SGCD: variants seen among roughly 807,000 people sequenced by gnomAD.
SGCD encodes the protein delta-sarcoglycan.
In SGCD, 18 loss-of-function variants were observed where a neutral mutation model predicts 36.6. That is an observed-to-expected ratio of 0.49 (90% CI 0.34 to 0.73). SGCD has a LOEUF of 0.73. Ranked by LOEUF, SGCD falls within the 30% of genes least tolerant of loss-of-function variation. The pLI, the probability that SGCD is intolerant of heterozygous loss-of-function variation, is 0.01. For synonymous variants in SGCD, 133 were observed against 130.6 expected, an observed-to-expected ratio of 1.02 and a Z score of -0.12; for missense variants, 387 against 346.7, an observed-to-expected ratio of 1.12 and a Z score of -0.92.
the SGCD span, among the ~76,000 whole-genome samples, chr5:155,798,382 G>T: frequency 6.6e-6 from 1 of 152,240 alleles, no homozygotes; most frequent in East Asian, 1.9e-4. Flanking sequence ...TGAACAGAAA[G>T]ATTTGATAGA....
At chr5:156,273,955 T>C (rs1158632676) in intron 3 of SGCD, among the ~76,000 whole-genome samples, 1 of 152,160 alleles carries the variant, frequency 6.6e-6, no homozygotes, top group Non-Finnish European at 1.5e-5. Flanking sequence ...TTCCATACAG[T>C]CTGGGCCAAT....
the SGCD span, among the ~76,000 whole-genome samples, chr5:155,766,474 A>G: frequency 2.0e-5 from 3 of 152,118 alleles, no homozygotes; most frequent in South Asian, 2.1e-4. Flanking sequence ...TAATTCCTCA[A>G]TCAAATCCAA....
intron 1 of SGCD, among the ~76,000 whole-genome samples, chr5:155,906,766 A>G (rs1262182563): frequency 6.6e-6 from 1 of 150,644 alleles, no homozygotes; most frequent in Non-Finnish European, 1.5e-5. Context: ...TCCATGACAT[A>G]AAAGTGCAAG....
intron 3 of SGCD, among the ~76,000 whole-genome samples, chr5:156,132,862 G>C (rs1372590133): frequency 6.6e-6 from 1 of 152,154 alleles, no homozygotes; most frequent in Non-Finnish European, 1.5e-5. Context: ...TTTTGTCTCA[G>C]ATAATAAATA....
At chr5:156,015,623 A>ATG (rs1561683285) in intron 1 of SGCD, among the ~76,000 whole-genome samples, 13 of 151,802 alleles carry the variant, frequency 8.6e-5, no homozygotes, top group African/African-American at 2.9e-4. Flanking sequence ...GTGTGTGTAT[A>ATG]TATATGTATA....
intron 3 of SGCD, among the ~76,000 whole-genome samples, chr5:156,450,136 T>C (rs2127805248): frequency 6.6e-6 from 1 of 152,226 alleles, no homozygotes; most frequent in African/African-American, 2.4e-5. Flanking sequence ...TGCATTTCAA[T>C]ATTATTCTGT....
chr5:156,716,379 T>C (rs570526108), intron 7 of SGCD, among the ~76,000 whole-genome samples: 1 of 152,344 alleles, frequency 6.6e-6, no homozygotes, highest in South Asian at 2.1e-4. Flanking sequence ...GGATTTCCAC[T>C]GCACATTTTC....
chr5:156,262,488 G>A (rs1020728334), intron 3 of SGCD, among the ~76,000 whole-genome samples: 2 of 151,984 alleles, frequency 1.3e-5, no homozygotes, highest in East Asian at 1.9e-4. Context: ...ACCACCTAAT[G>A]ATTTAATGAT....
rs929750162 is a variant in SGCD at position 155,893,973 on chromosome 5, T to A, written c.-282+23549T>A. Among the ~76,000 whole-genome samples the A allele has an allele frequency of 2.6e-5, 4 of 152,258 alleles. No homozygotes were observed. The East Asian group carries it at 5.8e-4, about 22-fold the overall frequency. On this transcript the variant is annotated intron_variant, in intron 1 of 9. Coordinates refer to the SGCD transcript ENST00000517913. Reference sequence around the variant, plus strand: ...TTTGTATATCTAAAAATAGAAAAGGTACAATAAAAATATGGTATAAAAGAT... The same window carrying A: ...TTTGTATATCTAAAAATAGAAAAGGAACAATAAAAATATGGTATAAAAGAT...
chr5:156,594,604 C>T lies in SGCD; in HGVS notation c.383-328C>T, dbSNP rs181540483. Among the ~76,000 whole-genome samples, 365 of 152,236 alleles carry T rather than the reference C, an allele frequency of 2.4e-3. 3 individuals carry two copies. The highest frequency in any genetic ancestry group is 3.0e-3 in the Non-Finnish European group (205 of 68,006). ...TGCCTTGAGAAATGCAAGCAAAAAT[C>T]CACAACTATTTGACAGCAATTTGGT... On this transcript the variant is annotated intron_variant, in intron 5 of 8. Transcript: ENST00000337851.
chr5:156,755,881 A>G (rs1388390172), intron 7 of SGCD, among the ~76,000 whole-genome samples: 1 of 152,216 alleles, frequency 6.6e-6, no homozygotes, highest in Non-Finnish European at 1.5e-5. Context: ...GCCTGGAAGC[A>G]ATCCTCAGGA....
chr5:156,005,591 C>T (rs578241155), intron 1 of SGCD, among the ~76,000 whole-genome samples: 35 of 152,242 alleles, frequency 2.3e-4, no homozygotes, highest in Non-Finnish European at 4.6e-4. Flanking sequence ...GCTGGGACTA[C>T]AGGCGCCTGC....
At chr5:156,609,418 T>C (rs1271279626) in intron 6 of SGCD, among the ~76,000 whole-genome samples, 1 of 152,242 alleles carries the variant, frequency 6.6e-6, no homozygotes, top group East Asian at 1.9e-4. Flanking sequence ...AGATCGGCTG[T>C]TAGTCTGATG....
intron 3 of SGCD, among the ~76,000 whole-genome samples, chr5:156,411,072 TTA>T (rs1395225513): frequency 6.6e-6 from 1 of 152,246 alleles, no homozygotes; most frequent in Non-Finnish European, 1.5e-5. Flanking sequence ...CATATTGCTT[TTA>T]TATGATTTGC....
chr5:156,438,199 G>A (rs1753326415), intron 3 of SGCD, among the ~76,000 whole-genome samples: 1 of 152,172 alleles, frequency 6.6e-6, no homozygotes, highest in South Asian at 2.1e-4. Context: ...TTCAGGACAA[G>A]CTGTGAACTG....
At chr5:156,280,694 T>G (rs1429687065) in intron 3 of SGCD, among the ~76,000 whole-genome samples, 1 of 152,160 alleles carries the variant, frequency 6.6e-6, no homozygotes, top group Non-Finnish European at 1.5e-5. Flanking sequence ...GTTTTAAAAA[T>G]CAATCATAGA....
At chr5:155,850,661 G>A in the SGCD span, among the ~76,000 whole-genome samples, 6 of 152,184 alleles carry the variant, frequency 3.9e-5, no homozygotes, top group Non-Finnish European at 8.8e-5. Flanking sequence ...AACTGTAGTG[G>A]TTGGTGGGAT....
the SGCD span, among the ~76,000 whole-genome samples, chr5:155,769,983 T>G: frequency 3.3e-5 from 5 of 152,260 alleles, no homozygotes; most frequent in South Asian, 1.0e-3. Flanking sequence ...TAGGACTTGC[T>G]TCTCCATTTT....
rs909168383 is a variant in SGCD, at chr5:156,456,390, G to T, written c.193-52211G>T. On this transcript the variant is annotated intron_variant, in intron 3 of 8. Coordinates refer to ENST00000337851, the MANE Select transcript of SGCD (RefSeq NM_000337.6). ...GATGTGAATAATAAAGGTGCTTCTGGCAAGGTCTTAAACCAAAACAAGGAG... is the reference window on the plus strand; with the variant it reads ...GATGTGAATAATAAAGGTGCTTCTGTCAAGGTCTTAAACCAAAACAAGGAG... Among the ~76,000 whole-genome samples the T allele has an allele frequency of 3.9e-5, 6 of 152,152 alleles. 1 individual carries two copies. The highest frequency in any genetic ancestry group is 2.6e-4 in the Admixed American group (4 of 15,270).
Sources: allele counts gnomAD v4.1 joint callset (sites outside exome capture counted in the v4.1 genomes callset), GRCh38; gene constraint gnomAD v4.1.1; transcripts MANE v1.5; gene names NCBI Gene and HGNC (gene_info 2026-07-23, HGNC 2026-07-21).